ARHGAP26: variants seen among roughly 807,000 people sequenced by gnomAD.
ARHGAP26 encodes the protein Rho GTPase activating protein 26.
Under a neutral mutation model 104.8 loss-of-function variants are expected in ARHGAP26, and 38 were observed. The ratio of observed to expected loss-of-function variants is 0.36; its 90% CI spans 0.28 to 0.48. The LOEUF (loss-of-function observed/expected upper bound fraction) is 0.48, where lower values mean the gene tolerates loss of function less well. ARHGAP26 is among the 20% of genes least tolerant of loss of function. The probability of loss-of-function intolerance (pLI) is 0.99; values close to 1 mark genes in which losing one functional copy is unlikely to be tolerated. For missense variants in ARHGAP26, 704 were observed against 947.9 expected, an observed-to-expected ratio of 0.74 and a Z score of 3.38; for synonymous variants, 341 against 340.0, an observed-to-expected ratio of 1.00 and a Z score of -0.03.
At chr5:143,092,919 C>G (rs1018699663) in intron 17 of ARHGAP26, among the ~76,000 whole-genome samples, 1 of 152,116 alleles carries the variant, frequency 6.6e-6, no homozygotes, top group East Asian at 1.9e-4. Context: ...TACTGAATAC[C>G]CACTGTGTCT....
chr5:142,935,589 A>G (rs1302274228), intron 11 of ARHGAP26, among the ~76,000 whole-genome samples: 2 of 152,246 alleles, frequency 1.3e-5, no homozygotes, highest in Non-Finnish European at 2.9e-5. Flanking sequence ...TTATGTAATC[A>G]TTCCAAGAAA....
At chr5:142,918,252 T>G (rs1762757771) in intron 10 of ARHGAP26, among the ~76,000 whole-genome samples, 1 of 152,148 alleles carries the variant, frequency 6.6e-6, no homozygotes, top group Non-Finnish European at 1.5e-5. Flanking sequence ...GTTCAAGCGA[T>G]TCTCCTACCT....
At chr5:143,205,870 A>G (rs57919462) in intron 20 of ARHGAP26, among the ~76,000 whole-genome samples, 27,699 of 152,186 alleles carry the variant, frequency 0.18, 2,914 homozygotes, top group South Asian at 0.4. Flanking sequence ...TGGATATTTT[A>G]GACACTGGAT....
intron 21 of ARHGAP26, among the ~76,000 whole-genome samples, chr5:143,212,961 C>T (rs1265545659): frequency 4.6e-5 from 7 of 152,098 alleles, no homozygotes; most frequent in African/African-American, 9.7e-5. Flanking sequence ...CTGGCTAACA[C>T]GGTGAAACCC....
intron 1 of ARHGAP26, among the ~76,000 whole-genome samples, chr5:142,827,158 C>T (rs1767454866): frequency 6.6e-6 from 1 of 151,314 alleles, no homozygotes; most frequent in African/African-American, 2.4e-5. Context: ...TAATGAAAAG[C>T]CGGAAGTTGC....
chr5:142,847,728 C>A (rs981831883), intron 1 of ARHGAP26, among the ~76,000 whole-genome samples: 4 of 152,236 alleles, frequency 2.6e-5, no homozygotes, highest in Admixed American at 1.3e-4. Flanking sequence ...GGGAGAGAAG[C>A]AGCACCTGTG....
intron 1 of ARHGAP26, among the ~76,000 whole-genome samples, chr5:142,848,999 G>T (rs1300552381): frequency 6.6e-6 from 1 of 152,162 alleles, no homozygotes; most frequent in Admixed American, 6.5e-5. Flanking sequence ...TAGAGGTAAT[G>T]ATCTGAAATT....
chr5:142,906,770 T>G (rs1225768750), intron 8 of ARHGAP26, among the ~76,000 whole-genome samples: 3 of 152,258 alleles, frequency 2.0e-5, no homozygotes, highest in African/African-American at 4.8e-5. Flanking sequence ...CATTTACTGT[T>G]TTGTTTTTTA....
At chr5:142,985,095 G>A (rs952169471) in intron 11 of ARHGAP26, among the ~76,000 whole-genome samples, 2 of 151,992 alleles carry the variant, frequency 1.3e-5, no homozygotes, top group Admixed American at 6.6e-5. Flanking sequence ...CCCTGTGTAG[G>A]CCTAGGCTAA....
chr5:143,128,226 A>G (rs1371890158), intron 18 of ARHGAP26, among the ~76,000 whole-genome samples: 10 of 152,148 alleles, frequency 6.6e-5, no homozygotes, highest in Non-Finnish European at 2.9e-5. Context: ...TAAACCAATA[A>G]TTGTTTGAAT....
intron 17 of ARHGAP26, among the ~76,000 whole-genome samples, chr5:143,096,042 T>C (rs1792260508): frequency 6.6e-6 from 1 of 152,242 alleles, no homozygotes; most frequent in Admixed American, 6.5e-5. Context: ...AAAAAATTAT[T>C]ACAATGTGAA....
Position 143,227,510 on chromosome 5 carries a change from T to A in ARHGAP26, c.*5064T>A. The A allele has an allele frequency of 4.3e-6, 1 of 230,922 alleles. No individual in the cohort carries two copies. Among genetic ancestry groups the A allele is most frequent in the Non-Finnish European group, 8.6e-6 (1 of 116,568 alleles). The allele number at this position is 230,922 out of a possible 1,614,324, so 14.3% of individuals were successfully genotyped here. A position where few individuals can be genotyped will look rare whatever the true frequency, so the allele number is the denominator to read the frequency against. On this transcript the variant is annotated 3_prime_UTR_variant, in exon 23 of 23. Coordinates refer to ENST00000645722, the MANE Select transcript of ARHGAP26 (RefSeq NM_001135608.3). ...GGGTGCTGAACCGCCTCTCTGTAAT[T>A]GTAGCATCAAAATGACAACAGCAGC...
intron 20 of ARHGAP26, among the ~76,000 whole-genome samples, chr5:143,159,620 T>G (rs1180550816): frequency 6.6e-6 from 1 of 152,118 alleles, no homozygotes; most frequent in East Asian, 1.9e-4. Flanking sequence ...AGCCTCAGAG[T>G]TAACTGATCT....
intron 19 of ARHGAP26, among the ~76,000 whole-genome samples, chr5:143,143,135 C>T (rs1298811528): frequency 6.6e-6 from 1 of 152,106 alleles, no homozygotes; most frequent in Non-Finnish European, 1.5e-5. Context: ...GGATATTAGC[C>T]TGTATTCTGA....
chr5:142,842,928 C>T (rs1771093997), intron 1 of ARHGAP26, among the ~76,000 whole-genome samples: 1 of 152,114 alleles, frequency 6.6e-6, no homozygotes, highest in Non-Finnish European at 1.5e-5. Context: ...AATTATCCTC[C>T]TTGAAGAATC....
chr5:142,940,132 C>T (rs985013613), intron 11 of ARHGAP26, among the ~76,000 whole-genome samples: 1 of 152,204 alleles, frequency 6.6e-6, no homozygotes, highest in Admixed American at 6.5e-5. Flanking sequence ...CCAGGCCTAG[C>T]AGTTCATAAT....
intron 1 of ARHGAP26, among the ~76,000 whole-genome samples, chr5:142,845,715 C>T (rs974754151): frequency 6.6e-6 from 1 of 152,170 alleles, no homozygotes; most frequent in Non-Finnish European, 1.5e-5. Flanking sequence ...TGGCTGGTGT[C>T]CAGATAACTG....
At chr5:142,816,224 T>C (rs1765111191) in intron 1 of ARHGAP26, among the ~76,000 whole-genome samples, 1 of 152,212 alleles carries the variant, frequency 6.6e-6, no homozygotes, top group Non-Finnish European at 1.5e-5. Context: ...CCCATGAGGG[T>C]AGGAACCATG....
At chr5:142,900,611 AG>A (rs1284466135) in intron 6 of ARHGAP26, among the ~76,000 whole-genome samples, 2 of 21,524 alleles carry the variant, frequency 9.3e-5, no homozygotes, top group African/African-American at 3.6e-4. Flanking sequence ...GAGTAGGGGG[AG>A]GGGGGGCGGG....
Sources: gnomAD v4.1 joint callset for allele counts (sites outside exome capture counted in the v4.1 genomes callset) on GRCh38, gnomAD v4.1.1 for gene constraint, MANE v1.5 for transcripts, NCBI Gene and HGNC (gene_info 2026-07-23, HGNC 2026-07-21) for gene names.